LRRC28: variants seen among roughly 807,000 people sequenced by gnomAD.
LRRC28 encodes leucine rich repeat containing 28.
A neutral mutation model predicts 45.7 loss-of-function variants in LRRC28; 39 were observed. That is an observed-to-expected ratio of 0.85 (90% CI 0.66 to 1.12). The LOEUF (loss-of-function observed/expected upper bound fraction) is 1.12. Ranked by LOEUF, LRRC28 falls within the 50% of genes most tolerant of loss-of-function variation. The pLI, the probability that LRRC28 is intolerant of heterozygous loss-of-function variation, is 0.00. For synonymous variants in LRRC28, 206 were observed against 178.8 expected (o/e 1.15, Z -1.22); for missense variants, 435 against 438.5 (o/e 0.99, Z 0.07).
intron 1 of LRRC28, among the ~76,000 whole-genome samples, chr15:99,254,482 T>C (rs985027168): frequency 6.6e-6 from 1 of 152,180 alleles, no homozygotes; most frequent in Non-Finnish European, 1.5e-5. Flanking sequence ...AGAAAAAAAA[T>C]TATTGAAAGG....
At chr15:99,258,851 G>A (rs2081106287) in intron 2 of LRRC28, 2 of 703,488 alleles carry the variant, frequency 2.8e-6, no homozygotes, top group Non-Finnish European at 5.4e-6. Flanking sequence ...TAAGCTCTAT[G>A]TGCGCTGTGT....
At chr15:99,267,105 G>T (rs190652498) in intron 2 of LRRC28, among the ~76,000 whole-genome samples, 38 of 152,224 alleles carry the variant, frequency 2.5e-4, no homozygotes, top group South Asian at 6.2e-4. Flanking sequence ...AGAATATAGT[G>T]CCACTAAGTT....
intron 5 of LRRC28, among the ~76,000 whole-genome samples, chr15:99,313,800 G>A (rs905783554): frequency 5.3e-5 from 8 of 151,876 alleles, no homozygotes; most frequent in African/African-American, 1.9e-4. Flanking sequence ...ACAAAGCTGT[G>A]GGATTTTGTC....
At chr15:99,283,734 A>C (rs2152199729) in intron 3 of LRRC28, among the ~76,000 whole-genome samples, 1 of 152,080 alleles carries the variant, frequency 6.6e-6, no homozygotes, top group Admixed American at 6.6e-5. Flanking sequence ...CTGCCAAGCC[A>C]TTTTCCAAAA....
chr15:99,258,409 A>G, intron 2 of LRRC28: 2 of 970,936 alleles, frequency 2.1e-6, no homozygotes, highest in Middle Eastern at 2.1e-4. Flanking sequence ...CATTGGATAC[A>G]ATTAAAAATC....
chr15:99,301,079 C>T (rs1424251006), intron 5 of LRRC28, among the ~76,000 whole-genome samples: 4 of 152,146 alleles, frequency 2.6e-5, no homozygotes, highest in Admixed American at 2.0e-4. Flanking sequence ...ATCAGAGGAG[C>T]TGCTCTTGTT....
intron 6 of LRRC28, among the ~76,000 whole-genome samples, chr15:99,341,302 G>A (rs891740946): frequency 2.0e-5 from 3 of 152,016 alleles, no homozygotes; most frequent in Admixed American, 1.3e-4. Flanking sequence ...GTGTTGGCCA[G>A]GCTGGTCTCG....
chr15:99,288,489 C>T (rs1434476688), intron 5 of LRRC28, among the ~76,000 whole-genome samples: 2 of 148,550 alleles, frequency 1.3e-5, no homozygotes, highest in Admixed American at 6.9e-5. Flanking sequence ...TCAAGCGATT[C>T]TCCTGCCTCA....
intron 6 of LRRC28, among the ~76,000 whole-genome samples, chr15:99,350,803 C>CT (rs1171220483): frequency 4.6e-5 from 7 of 152,056 alleles, no homozygotes; most frequent in Non-Finnish European, 8.8e-5. Flanking sequence ...TTCTCTCTCT[C>CT]TTTTTTTAAA....
intron 6 of LRRC28, among the ~76,000 whole-genome samples, chr15:99,335,930 G>T (rs1053254405): frequency 6.6e-6 from 1 of 152,146 alleles, no homozygotes. Context: ...CCAGAGTTCA[G>T]AGTAAAGTTG....
At chr15:99,287,235 T>A (rs760014114) in intron 3 of LRRC28, 22 bp from the exon 4 acceptor site, 1 of 1,566,554 alleles carries the variant, frequency 6.4e-7, no homozygotes, top group Admixed American at 1.9e-5. Flanking sequence ...TAATGGCTGT[T>A]TTTTTTCTTT....
intron 2 of LRRC28, among the ~76,000 whole-genome samples, chr15:99,265,411 T>A (rs1270192402): frequency 6.6e-6 from 1 of 152,142 alleles, no homozygotes; most frequent in East Asian, 1.9e-4. Flanking sequence ...GTTGACGAAC[T>A]GCTGTATTGG....
intron 3 of LRRC28, among the ~76,000 whole-genome samples, chr15:99,281,029 TA>T (rs975181165): frequency 2.0e-5 from 3 of 149,564 alleles, no homozygotes; most frequent in Non-Finnish European, 3.0e-5. Flanking sequence ...TTGGTTACTG[TA>T]TTTTTTTTTT....
chr15:99,254,590 T>C (rs1229340724), intron 1 of LRRC28, among the ~76,000 whole-genome samples: 1 of 152,230 alleles, frequency 6.6e-6, no homozygotes, highest in African/African-American at 2.4e-5. Context: ...ATTTCCTTAG[T>C]ATCCTGTGGA....
Position 99,374,075 on chromosome 15 carries a change from A to G in LRRC28, c.1031+10810A>G, listed in dbSNP as rs556470758. The stretch of plus-strand genomic sequence containing the variant: ...TTTCCCTTTCAGGATTTTTTTAGCT[A>G]TTCTAGGCCCTACACTTTTCCACTG... On this transcript the variant is annotated intron_variant, in intron 9 of 9. Transcript: ENST00000301981. Among the ~76,000 whole-genome samples the G allele has an allele frequency of 1.3e-3, 197 of 152,190 alleles. 2 individuals are homozygous for G. Among genetic ancestry groups the G allele is most frequent in the South Asian group, 5.6e-3 (27 of 4,822 alleles).
rs145479136 is a variant in LRRC28 at position 99,264,502 on chromosome 15, A to C, written c.168+8377A>C. Among the ~76,000 whole-genome samples, 26 of 152,332 alleles carry C rather than the reference A, an allele frequency of 1.7e-4. No individual in the cohort carries two copies. The East Asian group carries it at 5.0e-3, about 29-fold the overall frequency. ...CCACAGAACCTTAGGTTTACTGAGCAATGCTGAGGTGGGGACCGAGCAATA... is the reference window on the plus strand; with the variant it reads ...CCACAGAACCTTAGGTTTACTGAGCCATGCTGAGGTGGGGACCGAGCAATA... On this transcript the variant is annotated intron_variant, in intron 2 of 9. Coordinates refer to ENST00000301981, the MANE Select transcript of LRRC28 (RefSeq NM_144598.5).
At chr15:99,293,628 A>AAAAAAAAAAC (rs1567635396) in intron 5 of LRRC28, among the ~76,000 whole-genome samples, 2 of 142,256 alleles carry the variant, frequency 1.4e-5, no homozygotes, top group Admixed American at 1.4e-4. Flanking sequence ...AAAAAAAAAA[A>AAAAAAAAAAC]AAAAACCTAA....
intron 5 of LRRC28, among the ~76,000 whole-genome samples, chr15:99,329,797 A>C (rs1428183822): frequency 1.3e-5 from 2 of 152,164 alleles, no homozygotes; most frequent in Non-Finnish European, 2.9e-5. Context: ...ATGGTATTTC[A>C]TGCAGCTGAC....
At chr15:99,312,631 G>A (rs1955455244) in intron 5 of LRRC28, among the ~76,000 whole-genome samples, 1 of 152,144 alleles carries the variant, frequency 6.6e-6, no homozygotes, top group Non-Finnish European at 1.5e-5. Context: ...GTATTTGTAT[G>A]TGCTGTCCTT....
Sources: gnomAD v4.1 joint callset for allele counts (sites outside exome capture counted in the v4.1 genomes callset) on GRCh38, gnomAD v4.1.1 for gene constraint, MANE v1.5 for transcripts, NCBI Gene and HGNC (gene_info 2026-07-23, HGNC 2026-07-21) for gene names.